GMDS: variants seen among roughly 807,000 people sequenced by gnomAD.
GMDS encodes GDP-mannose 4,6-dehydratase, also known as GDP-mannose 4,6 dehydratase.
Under a neutral mutation model 49.9 loss-of-function variants are expected in GMDS, and 20 were observed. The ratio of observed to expected loss-of-function variants is 0.40; its 90% CI spans 0.28 to 0.58. GMDS has a LOEUF of 0.58. GMDS is among the 20% of genes least tolerant of loss of function. The pLI is 0.42. For synonymous variants in GMDS, 177 were observed against 178.6 expected (o/e 0.99, Z 0.07); for missense variants, 362 against 481.4 (o/e 0.75, Z 2.32).
chr6:2,196,912 C>G (rs1581781566), intron 1 of GMDS, among the ~76,000 whole-genome samples: 1 of 152,080 alleles, frequency 6.6e-6, no homozygotes, highest in East Asian at 1.9e-4. Context: ...AGACAGGAGC[C>G]ATGACAATTC....
At chr6:2,032,225 A>G (rs1363862611) in intron 4 of GMDS, among the ~76,000 whole-genome samples, 1 of 152,184 alleles carries the variant, frequency 6.6e-6, no homozygotes, top group Non-Finnish European at 1.5e-5. Flanking sequence ...AACTGGAGAC[A>G]TACAGCTATT....
At position 1,782,574 on chromosome 6, in the gene GMDS, T is replaced by C. The variant is rs139480817; in HGVS notation, c.772-39988A>G. 3.5e-3 allele frequency among the ~76,000 whole-genome samples: 533 copies of C among 152,300 alleles called. 3 individuals are homozygous for C. Among genetic ancestry groups the C allele is most frequent in the African/African-American group, 0.012 (505 of 41,552 alleles). On this transcript the variant is annotated intron_variant, in intron 7 of 10. Transcript: ENST00000380815. ...TTCGTATTACCCATAGAAGGATGAA[T>C]GCTCTTTATAAAGAGACTTTGGATA...
intron 4 of GMDS, among the ~76,000 whole-genome samples, chr6:2,098,998 T>C (rs1773771369): frequency 6.6e-6 from 1 of 152,118 alleles, no homozygotes; most frequent in African/African-American, 2.4e-5. Context: ...TTTAACTATT[T>C]TTTTTCTGCT....
intron 7 of GMDS, among the ~76,000 whole-genome samples, chr6:1,779,923 A>C (rs1769010876): frequency 6.6e-6 from 1 of 152,194 alleles, no homozygotes; most frequent in Admixed American, 6.5e-5. Context: ...TGCTGGAGAG[A>C]ATCACCTTTC....
At chr6:1,991,977 C>T (rs1351964902) in intron 4 of GMDS, among the ~76,000 whole-genome samples, 1 of 152,214 alleles carries the variant, frequency 6.6e-6, no homozygotes, top group Non-Finnish European at 1.5e-5. Flanking sequence ...CGCTGCAAAT[C>T]CCTAGATGCG....
chr6:1,923,660 C>A (rs565373770), intron 7 of GMDS, among the ~76,000 whole-genome samples: 2 of 152,218 alleles, frequency 1.3e-5, no homozygotes, highest in East Asian at 3.9e-4. Context: ...CTCCTACAAG[C>A]GGTTGAGCAT....
At chr6:2,159,182 T>C (rs1434243062) in intron 1 of GMDS, among the ~76,000 whole-genome samples, 1 of 152,174 alleles carries the variant, frequency 6.6e-6, no homozygotes, top group Admixed American at 6.5e-5. Flanking sequence ...TTTTTAAAAA[T>C]TCCTTCTACG....
At chr6:1,787,416 T>C (rs1442227929) in intron 7 of GMDS, among the ~76,000 whole-genome samples, 1 of 152,176 alleles carries the variant, frequency 6.6e-6, no homozygotes, top group African/African-American at 2.4e-5. Flanking sequence ...TAAGTCCATC[T>C]CAGAACACGA....
At chr6:2,175,564 G>A (rs1483316562) in intron 1 of GMDS, among the ~76,000 whole-genome samples, 4 of 152,214 alleles carry the variant, frequency 2.6e-5, no homozygotes, top group Non-Finnish European at 4.4e-5. Context: ...CCAAGAAGCA[G>A]AGGTTGTATC....
At chr6:1,922,501 G>A (rs753062552) in intron 7 of GMDS, among the ~76,000 whole-genome samples, 10 of 152,192 alleles carry the variant, frequency 6.6e-5, no homozygotes, top group Non-Finnish European at 1.3e-4. Context: ...TGAAACTCAC[G>A]GCCCAAGGCG....
At chr6:1,713,356 G>T (rs1766046685) in intron 9 of GMDS, among the ~76,000 whole-genome samples, 1 of 152,210 alleles carries the variant, frequency 6.6e-6, no homozygotes, top group Non-Finnish European at 1.5e-5. Context: ...CACCACATGT[G>T]ACGACTAGGC....
intron 9 of GMDS, among the ~76,000 whole-genome samples, chr6:1,714,897 G>C (rs569899405): frequency 2.4e-4 from 36 of 152,366 alleles, no homozygotes; most frequent in African/African-American, 8.4e-4. Context: ...GTGGAGCCGG[G>C]CTGCAGTGGC....
chr6:1,874,117 C>T (rs1474027034), intron 7 of GMDS, among the ~76,000 whole-genome samples: 1 of 152,206 alleles, frequency 6.6e-6, no homozygotes, highest in Admixed American at 6.5e-5. Context: ...ACTGCACGGC[C>T]ACTTGGCCTC....
At chr6:1,955,000 C>T (rs569329976) in intron 6 of GMDS, among the ~76,000 whole-genome samples, 24 of 151,784 alleles carry the variant, frequency 1.6e-4, no homozygotes, top group East Asian at 5.8e-4. Flanking sequence ...CACAGATCAC[C>T]GTAACAGATA....
Position 2,128,644 on chromosome 6 carries a change from C to T in GMDS, c.103-3913G>A, listed in dbSNP as rs569542395. 7.2e-5 allele frequency among the ~76,000 whole-genome samples: 11 copies of T among 152,294 alleles called. No homozygotes were observed. In the South Asian group the frequency reaches 2.1e-3, roughly 29 times the overall value. ...GAAAATAATCTCCTTCCTCCCACTC[C>T]TCTACCTGGCACCAAAACATGTCAA... On this transcript the variant is annotated intron_variant, in intron 1 of 10. Transcript: ENST00000380815.
chr6:2,074,529 C>A (rs577818590), intron 4 of GMDS, among the ~76,000 whole-genome samples: 2 of 152,136 alleles, frequency 1.3e-5, no homozygotes, highest in East Asian at 3.9e-4. Context: ...TGCCATTTGT[C>A]TATTTTTGTT....
chr6:1,914,415 C>G (rs565333978), intron 7 of GMDS, among the ~76,000 whole-genome samples: 1 of 147,864 alleles, frequency 6.8e-6, no homozygotes, highest in East Asian at 2.0e-4. Flanking sequence ...TAAAGTGAGC[C>G]GAGATCGCAC....
intron 7 of GMDS, among the ~76,000 whole-genome samples, chr6:1,910,276 T>C (rs943252133): frequency 4.0e-5 from 6 of 149,334 alleles, no homozygotes; most frequent in Admixed American, 6.7e-5. Flanking sequence ...AAAAAAAAGA[T>C]GTTAGCTTAG....
chr6:2,239,186 G>A (rs1781500431), intron 1 of GMDS, among the ~76,000 whole-genome samples: 1 of 152,086 alleles, frequency 6.6e-6, no homozygotes, highest in African/African-American at 2.4e-5. Context: ...AAAATTAGTT[G>A]GGCGTGGTAG....
Sources: gnomAD v4.1 joint callset for allele counts (sites outside exome capture counted in the v4.1 genomes callset) on GRCh38, gnomAD v4.1.1 for gene constraint, MANE v1.5 for transcripts, NCBI Gene and HGNC (gene_info 2026-07-23, HGNC 2026-07-21) for gene names.